WSB1: variants seen among roughly 807,000 people sequenced by gnomAD.
The protein encoded by WSB1 is WD repeat and SOCS box-containing protein 1.
In WSB1, 23 loss-of-function variants were observed where a neutral mutation model predicts 50.2. The observed-to-expected ratio is 0.46, with a 90% confidence interval of 0.33 to 0.65. The LOEUF is 0.65. WSB1 is among the 30% of genes least tolerant of loss of function. WSB1 has a pLI of 0.02. For missense variants in WSB1, 492 were observed against 522.3 expected, an observed-to-expected ratio of 0.94 and a Z score of 0.56; for synonymous variants, 179 against 172.0, an observed-to-expected ratio of 1.04 and a Z score of -0.32.
intron 7 of WSB1, among the ~76,000 whole-genome samples, chr17:27,310,706 CAT>C (rs914244831): frequency 5.3e-5 from 8 of 151,036 alleles, no homozygotes; most frequent in Admixed American, 2.6e-4. Context: ...TGTTAGCAAA[CAT>C]ATGGAGAGAG....
At chr17:27,308,984 CAT>C in intron 5 of WSB1, 114 bp from the exon 6 acceptor site, 3 of 1,324,402 alleles carry the variant, frequency 2.3e-6, no homozygotes, top group Non-Finnish European at 2.9e-6. Flanking sequence ...TTAAATTACT[CAT>C]AATTTATAAT....
chr17:27,304,247 C>T (rs1420569428), intron 3 of WSB1, among the ~76,000 whole-genome samples: 1 of 151,610 alleles, frequency 6.6e-6, no homozygotes, highest in Non-Finnish European at 1.5e-5. Flanking sequence ...TTGAAAAAAA[C>T]AAGATGAACA....
At chr17:27,311,360 T>C (rs2017669437) in intron 7 of WSB1, 149 bp from the exon 8 acceptor site, 1 of 546,844 alleles carries the variant, frequency 1.8e-6, no homozygotes, top group African/African-American at 1.9e-5. Flanking sequence ...TATTTTGTAA[T>C]TGTATAAAGC....
chr17:27,304,912 G>T lies in WSB1; in HGVS notation c.610+1G>T. On this transcript the variant is annotated splice_donor_variant, in intron 4 of 8. Coordinates refer to ENST00000262394, the MANE Select transcript of WSB1 (RefSeq NM_015626.10). LOFTEE classifies it high-confidence loss of function. ...AGAGTATGGGACCTGAAAGATGATG[G>T]TATGTCTTTTTTCCAAGCTATGAAC... 1 of 1,613,800 alleles carries T rather than the reference G, an allele frequency of 6.2e-7. No individual in the cohort carries two copies. The highest frequency in any genetic ancestry group is 8.5e-7 in the Non-Finnish European group (1 of 1,179,828).
In WSB1 at chr17:27,312,624, T is replaced by G; in HGVS notation, c.*255T>G. On this transcript the variant is annotated 3_prime_UTR_variant, in exon 9 of 9. Transcript: ENST00000262394. ...ATACATACCTGTACATATTTAGATA[T>G]AAGCTGCTATATGTTGAATGGACCC... is the stretch of plus-strand genomic sequence containing the variant. 2.5e-6 allele frequency: 1 copy of G among 394,826 alleles called. No homozygotes were observed. The highest frequency in any genetic ancestry group is 4.4e-6 in the Non-Finnish European group (1 of 225,254). The allele number at this position is 394,826 out of a possible 1,614,324, so 24.5% of individuals were successfully genotyped here.
At chr17:27,308,003 A>G in intron 5 of WSB1, 1 of 1,222,790 alleles carries the variant, frequency 8.2e-7, no homozygotes, top group Non-Finnish European at 1.0e-6. Flanking sequence ...AAATACACTG[A>G]CTCCTGAGTA....
intron 1 of WSB1, among the ~76,000 whole-genome samples, chr17:27,294,989 T>G (rs995995199): frequency 6.6e-6 from 1 of 152,062 alleles, no homozygotes; most frequent in Non-Finnish European, 1.5e-5. Context: ...TTTCAAACAC[T>G]TAAGGGAGGA....
At chr17:27,306,743 G>A (rs1471725671) in intron 4 of WSB1, 39 bp from the exon 5 acceptor site, 6 of 1,589,630 alleles carry the variant, frequency 3.8e-6, no homozygotes, top group Non-Finnish European at 3.4e-6. Context: ...CATTTGAAGT[G>A]GATTCTAGGG....
intron 5 of WSB1, chr17:27,307,494 A>G (rs1469395992): frequency 5.7e-6 from 3 of 528,438 alleles, no homozygotes; most frequent in Middle Eastern, 5.0e-4. Flanking sequence ...TCAAGTATTT[A>G]TAAAATGGTT....
At chr17:27,309,655 T>A (rs1478735252) in intron 6 of WSB1, among the ~76,000 whole-genome samples, 38 of 152,052 alleles carry the variant, frequency 2.5e-4, no homozygotes, top group Non-Finnish European at 4.9e-4. Flanking sequence ...CAATCTCAGC[T>A]CACTGCAACC....
chr17:27,310,006 A>T (rs2017612789), intron 6 of WSB1, 55 bp from the exon 7 acceptor site: 1 of 1,395,208 alleles, frequency 7.2e-7, no homozygotes, highest in Non-Finnish European at 1.0e-6. Flanking sequence ...GTACCTGGGT[A>T]ATTTTGTTTT....
intron 1 of WSB1, 78 bp downstream of exon 1, chr17:27,294,513 C>T: frequency 6.3e-7 from 1 of 1,577,076 alleles, no homozygotes. Flanking sequence ...TGGGAGGAAG[C>T]GACTCCAAGT....
chr17:27,296,733 A>T (rs1597749186), intron 1 of WSB1, among the ~76,000 whole-genome samples: 1 of 152,332 alleles, frequency 6.6e-6, no homozygotes, highest in East Asian at 1.9e-4. Context: ...TTAATAATGT[A>T]GTGTTGTATC....
intron 1 of WSB1, among the ~76,000 whole-genome samples, chr17:27,301,440 T>C (rs1346997703): frequency 6.6e-6 from 1 of 152,250 alleles, no homozygotes; most frequent in Non-Finnish European, 1.5e-5. Context: ...TTTTAAATGT[T>C]AATAATTTGA....
chr17:27,311,317 C>G (rs2017668001), intron 7 of WSB1, among the ~76,000 whole-genome samples, 192 bp from the exon 8 acceptor site: 1 of 152,150 alleles, frequency 6.6e-6, no homozygotes, highest in African/African-American at 2.4e-5. Flanking sequence ...GAAAGTTTAT[C>G]CAATTTACCA....
Position 27,312,541 on chromosome 17 carries a change from T to C in WSB1, c.*172T>C. 1.2e-6 allele frequency: 1 copy of C among 818,720 alleles called. No homozygotes were observed. Among genetic ancestry groups the C allele is most frequent in the Non-Finnish European group, 1.8e-6 (1 of 551,796 alleles). The allele number at this position is 818,720 out of a possible 1,614,324, so 50.7% of individuals were successfully genotyped here. Reference sequence around the variant, plus strand: ...CTTTTAAAATATTATTTATAGACAATAGAAGTATTTCTGAACATATCAAAT... The same window carrying C: ...CTTTTAAAATATTATTTATAGACAACAGAAGTATTTCTGAACATATCAAAT... On this transcript the variant is annotated 3_prime_UTR_variant, in exon 9 of 9. Coordinates refer to ENST00000262394, the MANE Select transcript of WSB1 (RefSeq NM_015626.10).
chr17:27,294,392 A>G lies in WSB1; in HGVS notation c.-4A>G, dbSNP rs2150822877. 1.2e-6 allele frequency: 2 copies of G among 1,613,706 alleles called. No individual in the cohort carries two copies. The highest frequency in any genetic ancestry group is 1.7e-6 in the Non-Finnish European group (2 of 1,179,746). ...TATTCCCGGAATCAGACGGTGCCCC[A>G]TAGATGGCCAGCTTTCCCCCGAGGG... On this transcript the variant is annotated 5_prime_UTR_variant, in exon 1 of 9. Coordinates refer to ENST00000262394, the MANE Select transcript of WSB1 (RefSeq NM_015626.10).
At position 27,311,546 on chromosome 17, in the gene WSB1, G is replaced by A. The variant is rs1462724430; in HGVS notation, c.1036G>A (p.Val346Met). Residue 346 changes from valine (V) to methionine (M), a missense_variant, in exon 8 of 9, where the codon GTG becomes ATG. Val to Met is a conservative substitution (Grantham distance 21, BLOSUM62 1). Transcript: ENST00000262394. ...CTGGAGAATTGATGAGGATTATCCA[G>A]TGCAAGTTGCACCTTTGAGCAATGG... ...RFWRIDEDYPVQVAPLSNGLC... is the reference protein window; with the variant it reads ...RFWRIDEDYPMQVAPLSNGLC... 1.2e-6 allele frequency: 2 copies of A among 1,610,088 alleles called. No individual in the cohort carries two copies. The highest frequency in any genetic ancestry group is 1.7e-6 in the Non-Finnish European group (2 of 1,178,380).
intron 1 of WSB1, among the ~76,000 whole-genome samples, chr17:27,298,369 T>G (rs2017077447): frequency 6.6e-6 from 1 of 152,106 alleles, no homozygotes; most frequent in Non-Finnish European, 1.5e-5. Flanking sequence ...TGTAAAATGT[T>G]TTTAAAATGC....
Sources: gnomAD v4.1 joint callset for allele counts (sites outside exome capture counted in the v4.1 genomes callset) on GRCh38, gnomAD v4.1.1 for gene constraint, MANE v1.5 for transcripts, NCBI Gene and HGNC (gene_info 2026-07-23, HGNC 2026-07-21) for gene names.